The following SH3GL3 variants were observed in gnomAD, a reference collection of about 807,000 sequenced individuals.
SH3GL3 encodes the protein SH3 domain containing GRB2 like 3, endophilin A3, also known as endophilin-A3.
SH3GL3 carries 33 observed loss-of-function variants against 47.7 expected under a neutral mutation model. The observed-to-expected ratio is 0.69, with a 90% CI of 0.52 to 0.92. The LOEUF is 0.92. Ranked by LOEUF, SH3GL3 falls within the 40% of genes least tolerant of loss-of-function variation. The probability of loss-of-function intolerance (pLI) is 0.00; values close to 1 mark genes in which losing one functional copy is unlikely to be tolerated. For missense variants in SH3GL3, 363 were observed against 417.8 expected, an observed-to-expected ratio of 0.87 and a Z score of 1.14; for synonymous variants, 155 against 148.8, an observed-to-expected ratio of 1.04 and a Z score of -0.30.
At chr15:83,547,585 G>A (rs2044465950) in intron 1 of SH3GL3, among the ~76,000 whole-genome samples, 1 of 151,998 alleles carries the variant, frequency 6.6e-6, no homozygotes, top group Admixed American at 6.6e-5. Flanking sequence ...TTCTTGTGTG[G>A]ATAGTTGTTC....
chr15:83,562,775 C>T (rs762488465), intron 2 of SH3GL3, among the ~76,000 whole-genome samples: 3 of 152,182 alleles, frequency 2.0e-5, no homozygotes, highest in Non-Finnish European at 2.9e-5. Context: ...AATCTATTAA[C>T]AGCATTTTCC....
At chr15:83,525,479 C>T (rs1176936410) in intron 1 of SH3GL3, among the ~76,000 whole-genome samples, 1 of 151,884 alleles carries the variant, frequency 6.6e-6, no homozygotes, top group African/African-American at 2.4e-5. Context: ...GTTGCCTCTT[C>T]ATTCTGTTGA....
chr15:83,528,443 G>C (rs1017665569), intron 1 of SH3GL3, among the ~76,000 whole-genome samples: 2 of 151,864 alleles, frequency 1.3e-5, no homozygotes, highest in African/African-American at 4.8e-5. Context: ...TTGAATATTT[G>C]GTCACTTTAT....
chr15:83,487,136 C>A (rs2041634347), intron 1 of SH3GL3, among the ~76,000 whole-genome samples: 1 of 151,956 alleles, frequency 6.6e-6, no homozygotes, highest in Non-Finnish European at 1.5e-5. Flanking sequence ...GGGGTATATA[C>A]CCTGAGTGGA....
intron 8 of SH3GL3, among the ~76,000 whole-genome samples, chr15:83,593,879 C>T (rs188931819): frequency 3.3e-5 from 5 of 152,052 alleles, no homozygotes; most frequent in East Asian, 1.9e-4. Flanking sequence ...AGTGCAGTGG[C>T]GCAGTCGCAG....
intron 1 of SH3GL3, among the ~76,000 whole-genome samples, chr15:83,460,348 C>G (rs2151506151): frequency 6.6e-6 from 1 of 151,982 alleles, no homozygotes; most frequent in East Asian, 2.0e-4. Flanking sequence ...GCCATGCATT[C>G]CACTGCTCAA....
At chr15:83,494,679 A>G (rs2151590672) in intron 1 of SH3GL3, among the ~76,000 whole-genome samples, 1 of 151,816 alleles carries the variant, frequency 6.6e-6, no homozygotes. Flanking sequence ...AGTAGCTGGG[A>G]CAACAGGTGT....
At chr15:83,557,170 G>A (rs989582847) in intron 1 of SH3GL3, among the ~76,000 whole-genome samples, 9 of 152,144 alleles carry the variant, frequency 5.9e-5, no homozygotes, top group South Asian at 2.1e-4. Flanking sequence ...GCAACAAAAC[G>A]TGGAGGTGCC....
At chr15:83,461,640 A>G (rs149256964) in intron 1 of SH3GL3, among the ~76,000 whole-genome samples, 1,735 of 152,220 alleles carry the variant, frequency 0.011, 17 homozygotes, top group Non-Finnish European at 0.015. Context: ...CATAATTTTG[A>G]TAAAAATTTA....
chr15:83,568,872 C>T (rs1311176235), intron 4 of SH3GL3, among the ~76,000 whole-genome samples, 200 bp downstream of exon 4: 2 of 151,224 alleles, frequency 1.3e-5, no homozygotes, highest in African/African-American at 2.4e-5. Flanking sequence ...CCATATCCAC[C>T]GATAGGCCCA....
At chr15:83,490,657 A>T (rs985167060) in intron 1 of SH3GL3, 41 of 1,000,812 alleles carry the variant, frequency 4.1e-5, no homozygotes, top group Non-Finnish European at 5.7e-5. Flanking sequence ...CTGGCTTTCT[A>T]TCTGGGCAGG....
intron 6 of SH3GL3, among the ~76,000 whole-genome samples, chr15:83,577,882 G>C (rs990451550): frequency 2.6e-5 from 4 of 152,234 alleles, no homozygotes; most frequent in African/African-American, 9.6e-5. Context: ...ACTTGGCAAG[G>C]CAGATGGTTA....
chr15:83,577,701 T>C (rs1036732723), intron 6 of SH3GL3, among the ~76,000 whole-genome samples: 2 of 152,144 alleles, frequency 1.3e-5, no homozygotes, highest in Non-Finnish European at 2.9e-5. Context: ...CCTGACTCAA[T>C]ATCTTAAATC....
chr15:83,568,922 T>A (rs941845744), intron 4 of SH3GL3, among the ~76,000 whole-genome samples: 9 of 137,002 alleles, frequency 6.6e-5, no homozygotes, highest in African/African-American at 2.2e-4. Flanking sequence ...TTTTTTTTTT[T>A]AGACAAAGTC....
chr15:83,494,680 C>T (rs2042010724), intron 1 of SH3GL3, among the ~76,000 whole-genome samples: 1 of 151,756 alleles, frequency 6.6e-6, no homozygotes, highest in Non-Finnish European at 1.5e-5. Flanking sequence ...GTAGCTGGGA[C>T]AACAGGTGTG....
chr15:83,477,467 A>G (rs2041151636), intron 1 of SH3GL3, among the ~76,000 whole-genome samples: 1 of 152,134 alleles, frequency 6.6e-6, no homozygotes, highest in Admixed American at 6.6e-5. Flanking sequence ...CACATGACTT[A>G]ATCAAATAAG....
chr15:83,489,876 TAGA>T (rs2041793003), intron 1 of SH3GL3, among the ~76,000 whole-genome samples: 1 of 151,308 alleles, frequency 6.6e-6, no homozygotes, highest in African/African-American at 2.4e-5. Flanking sequence ...GATAGATAGA[TAGA>T]TAGATAGATA....
chr15:83,531,651 G>T (rs2043680331), intron 1 of SH3GL3, among the ~76,000 whole-genome samples: 1 of 152,142 alleles, frequency 6.6e-6, no homozygotes, highest in Admixed American at 6.5e-5. Context: ...GGGTGTTTTG[G>T]ATAACTCATT....
intron 8 of SH3GL3, among the ~76,000 whole-genome samples, chr15:83,605,139 T>C (rs547369703): frequency 1.3e-5 from 2 of 152,344 alleles, no homozygotes; most frequent in African/African-American, 4.8e-5. Context: ...AGCTGGCTTT[T>C]AAGAAGGCTC....
Sources: allele counts gnomAD v4.1 joint callset (sites outside exome capture counted in the v4.1 genomes callset), GRCh38; gene constraint gnomAD v4.1.1; transcripts MANE v1.5; gene names NCBI Gene and HGNC (gene_info 2026-07-23, HGNC 2026-07-21).